LRRTM4: variants seen among roughly 807,000 people sequenced by gnomAD.
LRRTM4 encodes the protein leucine rich repeat transmembrane neuronal 4.
A neutral mutation model predicts 47.6 loss-of-function variants in LRRTM4; 25 were observed. The ratio of observed to expected loss-of-function variants is 0.53; its 90% CI spans 0.38 to 0.73. The LOEUF (loss-of-function observed/expected upper bound fraction) is 0.73. Among genes scored for constraint, LRRTM4 ranks in the 30% least tolerant of loss-of-function variants. LRRTM4 has a pLI of 0.00. For synonymous variants in LRRTM4, 311 were observed against 269.5 expected, an observed-to-expected ratio of 1.15 and a Z score of -1.51; for missense variants, 638 against 713.4, an observed-to-expected ratio of 0.89 and a Z score of 1.20.
At chr2:76,781,718 G>A (rs529428300) in intron 3 of LRRTM4, among the ~76,000 whole-genome samples, 8 of 151,776 alleles carry the variant, frequency 5.3e-5, no homozygotes, top group East Asian at 1.9e-4. Context: ...CGTCCTCTGC[G>A]TCGCTCACGC....
At chr2:77,422,675 T>A (rs1291869956) in intron 3 of LRRTM4, among the ~76,000 whole-genome samples, 1 of 152,180 alleles carries the variant, frequency 6.6e-6, no homozygotes, top group Admixed American at 6.5e-5. Context: ...GGCCTGATGA[T>A]GATATAGAGT....
intron 3 of LRRTM4, among the ~76,000 whole-genome samples, chr2:77,238,821 C>A (rs1403309290): frequency 6.6e-6 from 1 of 151,498 alleles, no homozygotes; most frequent in Non-Finnish European, 1.5e-5. Context: ...TTGAAAGAAA[C>A]CAAAATGTCA....
intron 3 of LRRTM4, among the ~76,000 whole-genome samples, chr2:76,949,108 T>TTA (rs10651065): frequency 0.25 from 38,240 of 151,620 alleles, 6,236 homozygotes; most frequent in African/African-American, 0.46. Flanking sequence ...AAAGAGTGCT[T>TTA]TAGCTAATAA....
chr2:76,831,011 A>G (rs562043336), intron 3 of LRRTM4, among the ~76,000 whole-genome samples: 1 of 152,120 alleles, frequency 6.6e-6, no homozygotes, highest in East Asian at 1.9e-4. Context: ...TTACTAATCA[A>G]TTACTTACTC....
chr2:77,462,509 T>C (rs1676826555), intron 3 of LRRTM4, among the ~76,000 whole-genome samples: 1 of 151,994 alleles, frequency 6.6e-6, no homozygotes, highest in Admixed American at 6.6e-5. Flanking sequence ...CTCCTGGCTA[T>C]CACCAATCAG....
chr2:77,276,686 C>CATATATAT (rs3980215), intron 3 of LRRTM4, among the ~76,000 whole-genome samples: 42 of 71,702 alleles, frequency 5.9e-4, no homozygotes, highest in South Asian at 2.6e-3. Flanking sequence ...TTTGTGTACG[C>CATATATAT]ATATATATAT....
intron 3 of LRRTM4, among the ~76,000 whole-genome samples, chr2:76,903,041 A>C (rs1004581300): frequency 1.1e-4 from 16 of 152,116 alleles, no homozygotes; most frequent in African/African-American, 3.9e-4. Flanking sequence ...ATATATGTTG[A>C]ACTGTTTCAC....
chr2:76,795,684 A>T lies in LRRTM4; in HGVS notation c.1552-46768T>A, dbSNP rs573666399. Among the ~76,000 whole-genome samples the T allele has an allele frequency of 5.3e-5, 8 of 152,208 alleles. No individual in the cohort carries two copies. In the East Asian group the frequency reaches 1.4e-3, roughly 26 times the overall value. On this transcript the variant is annotated intron_variant, in intron 3 of 3. Coordinates refer to ENST00000409884, the MANE Select transcript of LRRTM4 (RefSeq NM_001134745.3). ...TATGAATAACATTTCAATGAACATG[A>T]TGGGAATGTAGCTATATCTTCTACA...
chr2:77,265,514 T>C (rs544525544), intron 3 of LRRTM4, among the ~76,000 whole-genome samples: 1 of 152,248 alleles, frequency 6.6e-6, no homozygotes, highest in Admixed American at 6.5e-5. Flanking sequence ...CTTCACTGGA[T>C]GTCATGGATC....
chr2:76,803,249 GC>G (rs1675798169), intron 3 of LRRTM4, among the ~76,000 whole-genome samples: 1 of 151,938 alleles, frequency 6.6e-6, no homozygotes, highest in Non-Finnish European at 1.5e-5. Context: ...CCACTCAATA[GC>G]AAAAAACAAA....
At chr2:77,014,159 TAG>T (rs1677972365) in intron 3 of LRRTM4, among the ~76,000 whole-genome samples, 1 of 151,734 alleles carries the variant, frequency 6.6e-6, no homozygotes, top group Non-Finnish European at 1.5e-5. Context: ...CAAGGCTGAG[TAG>T]AGAGGGCGGA....
intron 3 of LRRTM4, among the ~76,000 whole-genome samples, chr2:77,133,774 C>T (rs114901756): frequency 0.012 from 1,843 of 152,242 alleles, 12 homozygotes; most frequent in Middle Eastern, 0.034. Flanking sequence ...GTTGCTATGA[C>T]GCCATTGAAT....
chr2:77,141,461 T>G (rs13394571), intron 3 of LRRTM4, among the ~76,000 whole-genome samples: 49,563 of 126,236 alleles, frequency 0.39, 9,617 homozygotes, highest in African/African-American at 0.56. Context: ...TCACACACCG[T>G]GGCCTGTCAT....
intron 3 of LRRTM4, among the ~76,000 whole-genome samples, chr2:77,351,401 G>C (rs949445915): frequency 6.6e-6 from 1 of 151,702 alleles, no homozygotes; most frequent in African/African-American, 2.4e-5. Flanking sequence ...GATGTTTATT[G>C]CAGTATTTAT....
chr2:77,409,950 T>C (rs1478704574), intron 3 of LRRTM4, among the ~76,000 whole-genome samples: 1 of 152,132 alleles, frequency 6.6e-6, no homozygotes, highest in Non-Finnish European at 1.5e-5. Context: ...CTTGACCTAA[T>C]TCCTGAATAG....
chr2:77,130,750 A>G (rs1671773637), intron 3 of LRRTM4, among the ~76,000 whole-genome samples: 1 of 147,008 alleles, frequency 6.8e-6, no homozygotes, highest in South Asian at 2.2e-4. Flanking sequence ...TGACCTCATG[A>G]TCCGCCCACC....
chr2:76,768,429 A>G (rs1055130230), intron 3 of LRRTM4, among the ~76,000 whole-genome samples: 3 of 152,272 alleles, frequency 2.0e-5, no homozygotes, highest in South Asian at 2.1e-4. Context: ...CATTAGGTCA[A>G]TCCAGAGTTT....
chr2:76,961,130 C>T (rs1573372416), intron 3 of LRRTM4, among the ~76,000 whole-genome samples: 1 of 151,490 alleles, frequency 6.6e-6, no homozygotes, highest in East Asian at 2.0e-4. Context: ...ATCATTTCCC[C>T]TTATTGGATA....
At chr2:77,054,152 G>T (rs56055201) in intron 3 of LRRTM4, among the ~76,000 whole-genome samples, 18,318 of 152,132 alleles carry the variant, frequency 0.12, 1,372 homozygotes, top group Admixed American at 0.19. Flanking sequence ...TTGTTCTGAG[G>T]AGTCAGTAAC....
Sources: gnomAD v4.1 joint callset for allele counts (sites outside exome capture counted in the v4.1 genomes callset) on GRCh38, gnomAD v4.1.1 for gene constraint, MANE v1.5 for transcripts, NCBI Gene and HGNC (gene_info 2026-07-23, HGNC 2026-07-21) for gene names.